The following RUFY4 variants were observed in gnomAD, a reference collection of about 807,000 sequenced individuals.
The protein encoded by RUFY4 is RUN and FYVE domain-containing protein 4.
A neutral mutation model predicts 69.0 loss-of-function variants in RUFY4; 73 were observed. The ratio of observed to expected loss-of-function variants is 1.06; its 90% confidence interval spans 0.88 to 1.29. The LOEUF (loss-of-function observed/expected upper bound fraction) is 1.29, where lower values mean the gene tolerates loss of function less well. Among genes scored for constraint, RUFY4 ranks in the 50% most tolerant of loss-of-function variants. RUFY4 has a pLI of 0.00. For missense variants in RUFY4, 770 were observed against 705.6 expected, an observed-to-expected ratio of 1.09 and a Z score of -1.03; for synonymous variants, 287 against 271.8, an observed-to-expected ratio of 1.06 and a Z score of -0.55.
At chr2:218,044,745 T>C (rs1688788903) in intron 2 of RUFY4, among the ~76,000 whole-genome samples, 1 of 152,212 alleles carries the variant, frequency 6.6e-6, no homozygotes, top group Non-Finnish European at 1.5e-5. Context: ...CCTCCAGATA[T>C]CCATTTTCCT....
chr2:218,072,592 CCTCACCTG>C, intron 3 of RUFY4, 93 bp downstream of exon 5: 1 of 1,477,352 alleles, frequency 6.8e-7, no homozygotes, highest in South Asian at 1.3e-5. Context: ...ACCATAGACC[CCTCACCTG>C]CTCTGCATGT....
rs1472778634 is a variant in RUFY4 at position 218,072,775 on chromosome 2, G to T, written c.280-4G>T. On this transcript the variant is annotated splice_region_variant and splice_polypyrimidine_tract_variant and intron_variant, in intron 3 of 10. Coordinates refer to ENST00000344321, the Ensembl canonical transcript of RUFY4. ...TCCCCATTCTGCCCCTGTGCACTCT[G>T]CAGTTGAAGACCCCTCTGGGGAAAG... The T allele has an allele frequency of 2.0e-6, 3 of 1,519,704 alleles. No homozygotes were observed. In the African/African-American group the frequency reaches 4.1e-5, roughly 21 times the overall value. 94.1% of individuals were successfully genotyped at this position (1,519,704 alleles called of 1,614,324 possible).
chr2:218,089,732 A>G lies in RUFY4; in HGVS notation c.1614-220A>G, dbSNP rs1419243756. ...GAGAGGAAAGTGAGCCACCAGGAGA[A>G]GCTGCCATGTGGAGGTGGAGGCTCT... On this transcript the variant is annotated intron_variant, in intron 10 of 10. Coordinates refer to ENST00000344321, the Ensembl canonical transcript of RUFY4. 4 of 704,050 alleles carry G rather than the reference A, an allele frequency of 5.7e-6. No homozygotes were observed. The East Asian group carries it at 1.1e-4, about 19-fold the overall frequency. 43.6% of individuals were successfully genotyped at this position (704,050 alleles called of 1,614,324 possible).
upstream of RUFY4, among the ~76,000 whole-genome samples, chr2:218,067,974 C>T (rs906993305): frequency 1.3e-5 from 2 of 152,212 alleles, no homozygotes; most frequent in Non-Finnish European, 2.9e-5. Context: ...AGTTACCCAT[C>T]CCTGGTGATG....
intron 8 of RUFY4, among the ~76,000 whole-genome samples, chr2:218,077,932 G>A (rs1689674591): frequency 6.6e-6 from 1 of 152,206 alleles, no homozygotes; most frequent in Non-Finnish European, 1.5e-5. Flanking sequence ...CAGCTGGGAG[G>A]TTATAGAGAG....
exon 11 of RUFY4, chr2:218,090,124 C>A: frequency 1.1e-6 from 1 of 913,250 alleles, no homozygotes; most frequent in Non-Finnish European, 1.7e-6. Flanking sequence ...ACTCCCTGCC[C>A]GTAGCTCTTC....
intron 8 of RUFY4, among the ~76,000 whole-genome samples, chr2:218,081,757 G>A (rs558555988): frequency 2.0e-5 from 3 of 152,330 alleles, no homozygotes; most frequent in South Asian, 2.1e-4. Context: ...GCCCTGCTTC[G>A]TGCCTGAGCA....
chr2:218,072,588 G>A (rs1689515131), intron 3 of RUFY4, 89 bp downstream of exon 5: 2 of 1,491,276 alleles, frequency 1.3e-6, no homozygotes, highest in African/African-American at 2.8e-5. Context: ...ACCGACCATA[G>A]ACCCCTCACC....
At chr2:218,046,240 A>G (rs1559421298) in intron 2 of RUFY4, among the ~76,000 whole-genome samples, 1 of 152,024 alleles carries the variant, frequency 6.6e-6, no homozygotes, top group Non-Finnish European at 1.5e-5. Context: ...GTAAATATAT[A>G]CTATTGTTAA....
At chr2:218,040,877 C>T (rs1397584204) in intron 2 of RUFY4, among the ~76,000 whole-genome samples, 1 of 151,928 alleles carries the variant, frequency 6.6e-6, no homozygotes, top group East Asian at 1.9e-4. Context: ...GTACGAGACC[C>T]CACTCAAGGT....
At chr2:218,064,738 C>T (rs1689283284), upstream of RUFY4, among the ~76,000 whole-genome samples, 1 of 152,042 alleles carries the variant, frequency 6.6e-6, no homozygotes, top group African/African-American at 2.4e-5. Context: ...TTGGGGCTTC[C>T]AGAAGAGAAG....
At chr2:218,052,487 G>C (rs1301164931) in intron 2 of RUFY4, among the ~76,000 whole-genome samples, 1 of 152,128 alleles carries the variant, frequency 6.6e-6, no homozygotes, top group Non-Finnish European at 1.5e-5. Flanking sequence ...CTTTGTATGA[G>C]GTTTGCCTTC....
chr2:218,054,393 G>A (rs1689012807), intron 2 of RUFY4, among the ~76,000 whole-genome samples: 1 of 151,820 alleles, frequency 6.6e-6, no homozygotes, highest in Non-Finnish European at 1.5e-5. Flanking sequence ...CAACTCTACT[G>A]AAAATACAAA....
intron 2 of RUFY4, among the ~76,000 whole-genome samples, chr2:218,048,819 T>C (rs1043150745): frequency 4.6e-5 from 7 of 152,240 alleles, no homozygotes; most frequent in African/African-American, 1.4e-4. Context: ...AACATGTTCA[T>C]TAAATTCTCC....
chr2:218,048,854 A>G (rs1456922228), intron 2 of RUFY4, among the ~76,000 whole-genome samples: 4 of 152,212 alleles, frequency 2.6e-5, no homozygotes, highest in African/African-American at 9.6e-5. Context: ...ACGCCTCTGG[A>G]TTTTTAAAAC....
Position 218,073,788 on chromosome 2 carries a change from A to C in RUFY4, c.531-28A>C, listed in dbSNP as rs745709800. On this transcript the variant is annotated intron_variant, in intron 5 of 10. Coordinates refer to ENST00000344321, the Ensembl canonical transcript of RUFY4. The stretch of plus-strand genomic sequence containing the variant: ...CAAGCCCAACACTGAAGAGAGGCCC[A>C]GGGTCCCCCTGCCTCTTTCACTTTC... 6.8e-6 allele frequency: 11 copies of C among 1,612,662 alleles called. No individual in the cohort carries two copies. In the South Asian group the frequency reaches 9.9e-5, roughly 15 times the overall value.
intron 2 of RUFY4, among the ~76,000 whole-genome samples, chr2:218,049,187 CTCA>C (rs1574494885): frequency 6.6e-6 from 1 of 152,108 alleles, no homozygotes; most frequent in African/African-American, 2.4e-5. Context: ...GGTTTGGGAC[CTCA>C]TCATCTGATA....
chr2:218,075,876 G>T, intron 7 of RUFY4, 136 bp downstream of exon 9: 1 of 928,874 alleles, frequency 1.1e-6, no homozygotes. Context: ...ATTATTATTT[G>T]GGGATGCCTT....
intron 8 of RUFY4, 103 bp from the exon 11 acceptor site, chr2:218,083,007 C>G (rs2106069803): frequency 7.7e-7 from 1 of 1,291,348 alleles, no homozygotes; most frequent in East Asian, 2.8e-5. Flanking sequence ...GGGGGCATCA[C>G]CAGCGTCTCC....
Sources: allele counts gnomAD v4.1 joint callset (sites outside exome capture counted in the v4.1 genomes callset), GRCh38; gene constraint gnomAD v4.1.1; transcripts MANE v1.5; gene names NCBI Gene and HGNC (gene_info 2026-07-23, HGNC 2026-07-21).